Variants in MEI4 observed in about 807,000 individuals in gnomAD.
The protein encoded by MEI4 is meiotic double-stranded break formation protein 4.
MEI4 carries 27 observed loss-of-function variants against 31.4 expected under a neutral mutation model. That is an observed-to-expected ratio of 0.86 (90% confidence interval 0.63 to 1.19). The LOEUF (loss-of-function observed/expected upper bound fraction) is 1.19, where lower values mean the gene tolerates loss of function less well. Among genes scored for constraint, MEI4 ranks in the 50% most tolerant of loss-of-function variants. MEI4 has a pLI of 0.00. For missense variants in MEI4, 329 were observed against 398.9 expected (o/e 0.82, Z 1.49); for synonymous variants, 122 against 145.4 (o/e 0.84, Z 1.16).
At chr6:77,922,409 A>C (rs1001739633) in intron 4 of MEI4, among the ~76,000 whole-genome samples, 12 of 151,640 alleles carry the variant, frequency 7.9e-5, no homozygotes, top group Non-Finnish European at 1.5e-4. Flanking sequence ...CTTCTGACAC[A>C]TTTCTTAATT....
At chr6:77,787,748 A>G (rs1385218985) in intron 3 of MEI4, among the ~76,000 whole-genome samples, 1 of 152,228 alleles carries the variant, frequency 6.6e-6, no homozygotes, top group Non-Finnish European at 1.5e-5. Flanking sequence ...AAAAAATTTC[A>G]AAATAATCAT....
chr6:77,738,741 C>G (rs1013410769), intron 2 of MEI4, among the ~76,000 whole-genome samples: 1 of 152,196 alleles, frequency 6.6e-6, no homozygotes, highest in African/African-American at 2.4e-5. Flanking sequence ...TCTCCACATC[C>G]TCTCCAGCAT....
intron 3 of MEI4, among the ~76,000 whole-genome samples, chr6:77,786,551 G>T (rs1293225084): frequency 6.6e-6 from 1 of 152,020 alleles, no homozygotes; most frequent in Non-Finnish European, 1.5e-5. Flanking sequence ...TTTACAGGAG[G>T]TGCTAGGAAA....
chr6:77,812,453 G>A (rs754635189), intron 3 of MEI4, among the ~76,000 whole-genome samples: 3 of 152,196 alleles, frequency 2.0e-5, no homozygotes, highest in Non-Finnish European at 4.4e-5. Flanking sequence ...AGGGTAGAAG[G>A]TTTTGAAAGA....
chr6:77,732,803 T>C (rs1767049407), intron 2 of MEI4, among the ~76,000 whole-genome samples: 1 of 152,104 alleles, frequency 6.6e-6, no homozygotes, highest in South Asian at 2.1e-4. Flanking sequence ...ATACGTCCCA[T>C]CAATACCTAA....
intron 1 of MEI4, among the ~76,000 whole-genome samples, chr6:77,658,593 C>T (rs578180302): frequency 2.0e-5 from 3 of 151,778 alleles, no homozygotes; most frequent in South Asian, 2.1e-4. Context: ...GGATTAGGGG[C>T]GGCGTGGGAA....
chr6:77,897,516 TTATA>T (rs751445348), intron 4 of MEI4, among the ~76,000 whole-genome samples: 1 of 151,640 alleles, frequency 6.6e-6, no homozygotes, highest in Admixed American at 6.6e-5. Flanking sequence ...TTTAAAATTG[TTATA>T]TATATATATC....
At chr6:77,691,343 G>A (rs998918262) in intron 2 of MEI4, among the ~76,000 whole-genome samples, 71 of 151,962 alleles carry the variant, frequency 4.7e-4, no homozygotes, top group African/African-American at 1.5e-3. Flanking sequence ...GAGAAAACAG[G>A]TGTATAAATA....
chr6:77,736,283 C>T (rs964635201), intron 2 of MEI4, among the ~76,000 whole-genome samples: 1 of 151,998 alleles, frequency 6.6e-6, no homozygotes, highest in African/African-American at 2.4e-5. Flanking sequence ...TAGCAATCAG[C>T]AAGACTCCGT....
At chr6:77,808,778 A>C (rs1513016) in intron 3 of MEI4, among the ~76,000 whole-genome samples, 127,265 of 152,086 alleles carry the variant, frequency 0.84, 53,831 homozygotes, top group African/African-American at 0.96. Flanking sequence ...AAAGAAAGGA[A>C]AGAAACAGGA....
chr6:77,740,471 GC>G (rs1339379073), intron 2 of MEI4, among the ~76,000 whole-genome samples: 1 of 152,132 alleles, frequency 6.6e-6, no homozygotes, highest in African/African-American at 2.4e-5. Flanking sequence ...TCTCAAAAAT[GC>G]TTTGCAATGT....
intron 3 of MEI4, among the ~76,000 whole-genome samples, chr6:77,794,870 T>C (rs981749550): frequency 2.6e-5 from 4 of 152,212 alleles, no homozygotes; most frequent in African/African-American, 7.2e-5. Context: ...TTAAGAATGT[T>C]GATATCATCT....
At chr6:77,923,068 G>T in intron 4 of MEI4, 21 bp from the exon 5 acceptor site, 1 of 1,226,590 alleles carries the variant, frequency 8.2e-7, no homozygotes, top group Non-Finnish European at 1.0e-6. Flanking sequence ...TTTTTTAAAG[G>T]AGTTTGTTGT....
At chr6:77,733,372 A>T (rs1020774528) in intron 2 of MEI4, among the ~76,000 whole-genome samples, 3 of 152,086 alleles carry the variant, frequency 2.0e-5, no homozygotes, top group Non-Finnish European at 4.4e-5. Flanking sequence ...GTATGTGTCT[A>T]GGAATTTATC....
At chr6:77,888,444 T>C (rs942678771) in intron 4 of MEI4, among the ~76,000 whole-genome samples, 2 of 152,144 alleles carry the variant, frequency 1.3e-5, no homozygotes, top group African/African-American at 4.8e-5. Context: ...ACCCTGAGTT[T>C]AATATCTTCC....
At chr6:77,870,258 C>A (rs891521960) in intron 4 of MEI4, among the ~76,000 whole-genome samples, 17 of 152,152 alleles carry the variant, frequency 1.1e-4, no homozygotes, top group African/African-American at 4.1e-4. Context: ...TGAACCACAG[C>A]TCCCAATCAC....
intron 4 of MEI4, among the ~76,000 whole-genome samples, chr6:77,896,240 G>A (rs1766082202): frequency 6.6e-6 from 1 of 152,016 alleles, no homozygotes; most frequent in African/African-American, 2.4e-5. Flanking sequence ...ATATTAATGT[G>A]GCATCTATTT....
chr6:77,730,721 C>A (rs1444042780), intron 2 of MEI4, among the ~76,000 whole-genome samples: 2 of 151,836 alleles, frequency 1.3e-5, no homozygotes, highest in African/African-American at 4.8e-5. Flanking sequence ...TGGTGCGCTG[C>A]ACCCACTAAC....
chr6:77,767,825 G>A (rs1268032104), intron 3 of MEI4, among the ~76,000 whole-genome samples: 2 of 152,090 alleles, frequency 1.3e-5, no homozygotes, highest in Non-Finnish European at 2.9e-5. Context: ...TTTGATCACT[G>A]CATCAGTATA....
Sources: allele counts gnomAD v4.1 joint callset (sites outside exome capture counted in the v4.1 genomes callset), GRCh38; gene constraint gnomAD v4.1.1; transcripts MANE v1.5; gene names NCBI Gene and HGNC (gene_info 2026-07-23, HGNC 2026-07-21).